The following STAU1 variants were observed in gnomAD, a reference collection of about 807,000 sequenced individuals.
STAU1 encodes staufen double-stranded RNA binding protein 1.
A neutral mutation model predicts 62.9 loss-of-function variants in STAU1; 13 were observed. The observed-to-expected ratio is 0.21, with a 90% CI of 0.13 to 0.33. The LOEUF (loss-of-function observed/expected upper bound fraction) is 0.33. STAU1 is among the 10% of genes least tolerant of loss of function. The pLI is 1.00. For missense variants in STAU1, 571 were observed against 712.1 expected, an observed-to-expected ratio of 0.80 and a Z score of 2.25; for synonymous variants, 269 against 265.1, an observed-to-expected ratio of 1.01 and a Z score of -0.14.
rs1171541065 is a variant in STAU1 at position 49,166,187 on chromosome 20, T to G, written c.15A>C (p.Gln5His). Residue 5 changes from glutamine (Q) to histidine (H), a missense_variant, in exon 3 of 14, where the codon CAA (glutamine) becomes CAC (histidine). Physicochemically the swap from Gln to His is conservative, Grantham distance 24. This residue lies in a region of STAU1 where 414 missense variants were observed against 499.6 expected (regional missense o/e 0.83). Coordinates refer to ENST00000371856, the MANE Select transcript of STAU1 (RefSeq NM_017453.4). Reference sequence around the variant, plus strand: ...CAGCAGATGGGTTCTGAACTTGCACTTGAACTTGAGACATGGTCACTTTCA... The same window carrying G: ...CAGCAGATGGGTTCTGAACTTGCACGTGAACTTGAGACATGGTCACTTTCA... MSQV[Q>H]VQVQNPSAAL... 1 of 1,614,186 alleles carries G rather than the reference T, an allele frequency of 6.2e-7. No homozygotes were observed. The highest frequency in any genetic ancestry group is 2.2e-5 in the East Asian group (1 of 44,884).
intron 5 of STAU1, among the ~76,000 whole-genome samples, chr20:49,144,010 G>A (rs1240463599): frequency 1.3e-5 from 2 of 152,208 alleles, no homozygotes; most frequent in Non-Finnish European, 2.9e-5. Context: ...TACTGGCACT[G>A]TCAAACACAC....
chr20:49,181,322 C>T (rs1600889614), intron 1 of STAU1, among the ~76,000 whole-genome samples: 1 of 152,136 alleles, frequency 6.6e-6, no homozygotes, highest in African/African-American at 2.4e-5. Context: ...ATATTATTAT[C>T]CAGCAAATTC....
At chr20:49,160,763 G>A (rs889553175) in intron 3 of STAU1, among the ~76,000 whole-genome samples, 4 of 152,200 alleles carry the variant, frequency 2.6e-5, no homozygotes, top group East Asian at 1.9e-4. Flanking sequence ...GTGAAACCCC[G>A]TCTCTACTAA....
At chr20:49,157,085 C>T (rs1273439257) in intron 3 of STAU1, among the ~76,000 whole-genome samples, 1 of 152,028 alleles carries the variant, frequency 6.6e-6, no homozygotes, top group African/African-American at 2.4e-5. Context: ...CCATGTTGGC[C>T]AGGCTGGTCT....
chr20:49,197,262 G>GAAAA, the STAU1 span, among the ~76,000 whole-genome samples: 1 of 90,494 alleles, frequency 1.1e-5, no homozygotes, highest in African/African-American at 4.3e-5. Context: ...CAGTAGTTAA[G>GAAAA]AAAAAAAAAA....
intron 1 of STAU1, among the ~76,000 whole-genome samples, chr20:49,184,027 T>G (rs1340751478): frequency 6.6e-6 from 1 of 151,872 alleles, no homozygotes; most frequent in East Asian, 1.9e-4. Flanking sequence ...CTTCCCAGGT[T>G]CAAGCAACTC....
intron 5 of STAU1, 25 bp downstream of exon 5, chr20:49,151,557 A>G (rs776099045): frequency 6.4e-6 from 10 of 1,566,262 alleles, no homozygotes; most frequent in Admixed American, 2.0e-5. Context: ...TCGAAGCGTC[A>G]GGGAGCCTGG....
the STAU1 span, among the ~76,000 whole-genome samples, chr20:49,201,648 A>G: frequency 1.3e-5 from 2 of 150,744 alleles, no homozygotes; most frequent in Non-Finnish European, 3.0e-5. Context: ...AGGCTGACGC[A>G]GTAGAATCGC....
intron 5 of STAU1, among the ~76,000 whole-genome samples, chr20:49,136,359 A>G (rs1413803894): frequency 6.6e-6 from 1 of 152,186 alleles, no homozygotes; most frequent in Non-Finnish European, 1.5e-5. Flanking sequence ...AAAAGCACTG[A>G]GCTTTGGCTT....
At chr20:49,195,535 C>CA in the STAU1 span, among the ~76,000 whole-genome samples, 956 of 38,128 alleles carry the variant, frequency 0.025, 259 homozygotes, top group African/African-American at 0.096. Flanking sequence ...GACTCCGTCT[C>CA]AAAAAAAAAA....
chr20:49,147,086 T>C (rs1472218013), intron 5 of STAU1, among the ~76,000 whole-genome samples: 2 of 152,246 alleles, frequency 1.3e-5, no homozygotes, highest in Non-Finnish European at 2.9e-5. Context: ...ACACTGTCCC[T>C]GCCCTTTGCT....
upstream of STAU1, among the ~76,000 whole-genome samples, chr20:49,191,649 A>G (rs1354412924): frequency 6.6e-6 from 1 of 152,204 alleles, no homozygotes; most frequent in Non-Finnish European, 1.5e-5. Context: ...CAGGAGAACA[A>G]GGTTGAGAAC....
At chr20:49,180,142 C>G (rs1333929683) in intron 1 of STAU1, among the ~76,000 whole-genome samples, 1 of 152,168 alleles carries the variant, frequency 6.6e-6, no homozygotes, top group Non-Finnish European at 1.5e-5. Context: ...GTACTAAATA[C>G]TCCCAACAGT....
At chr20:49,126,844 T>C (rs1031431133) in intron 6 of STAU1, among the ~76,000 whole-genome samples, 1 of 151,346 alleles carries the variant, frequency 6.6e-6, no homozygotes, top group Non-Finnish European at 1.5e-5. Flanking sequence ...AGCAACTAAC[T>C]AGGTATCTGC....
intron 4 of STAU1, among the ~76,000 whole-genome samples, chr20:49,152,522 A>C (rs973168313): frequency 6.6e-6 from 1 of 151,658 alleles, no homozygotes; most frequent in African/African-American, 2.4e-5. Flanking sequence ...TAGTATTTTT[A>C]GTAGAGACAG....
intron 1 of STAU1, among the ~76,000 whole-genome samples, chr20:49,176,595 G>A (rs1188910277): frequency 1.3e-5 from 2 of 152,140 alleles, no homozygotes; most frequent in Non-Finnish European, 2.9e-5. Flanking sequence ...TAAATCATGA[G>A]CTCTAGTTTA....
At position 49,117,119 on chromosome 20, in the gene STAU1, G is replaced by C. The variant is rs369404901; in HGVS notation, c.1632+7C>G. 3 of 1,614,016 alleles carry C rather than the reference G, an allele frequency of 1.9e-6. No homozygotes were observed. Among genetic ancestry groups the C allele is most frequent in the Admixed American group, 3.3e-5 (2 of 60,010 alleles). On this transcript the variant is annotated splice_region_variant and intron_variant, in intron 12 of 13. Coordinates refer to ENST00000371856, the MANE Select transcript of STAU1 (RefSeq NM_017453.4). This position sits in a 1 kb window ranked among gnomAD's most constrained non-coding sequence, Gnocchi z 4.6. ...CACCCCAATCCCTCACCCAAGGTGT[G>C]ACGTACCATATCATGGCAGGACTCC...
At chr20:49,148,567 T>C (rs1344630976) in intron 5 of STAU1, among the ~76,000 whole-genome samples, 1 of 152,236 alleles carries the variant, frequency 6.6e-6, no homozygotes, top group Non-Finnish European at 1.5e-5. Flanking sequence ...CTAAGGCCAG[T>C]CTTTAAGCCA....
At chr20:49,170,945 C>T (rs912142120) in intron 2 of STAU1, among the ~76,000 whole-genome samples, 2 of 152,260 alleles carry the variant, frequency 1.3e-5, no homozygotes, top group South Asian at 2.1e-4. Flanking sequence ...TCCTGTGCCT[C>T]GCTGTTATAA....
Sources: allele counts gnomAD v4.1 joint callset (sites outside exome capture counted in the v4.1 genomes callset), GRCh38; gene constraint gnomAD v4.1.1; regional missense constraint gnomAD v4.1.1; non-coding constraint Gnocchi (gnomAD v3.1); transcripts MANE v1.5; gene names NCBI Gene and HGNC (gene_info 2026-07-23, HGNC 2026-07-21).